The following ADAMTSL1 variants were observed in gnomAD, a reference collection of about 807,000 sequenced individuals.
The protein encoded by ADAMTSL1 is ADAMTS-like protein 1.
A neutral mutation model predicts 201.8 loss-of-function variants in ADAMTSL1; 126 were observed. The observed-to-expected ratio is 0.62, with a 90% confidence interval of 0.54 to 0.72. The LOEUF (loss-of-function observed/expected upper bound fraction) is 0.72. ADAMTSL1 is among the 30% of genes least tolerant of loss of function. The pLI, the probability that ADAMTSL1 is intolerant of heterozygous loss-of-function variation, is 0.00. For missense variants in ADAMTSL1, 2,679 were observed against 2,277.8 expected (o/e 1.18, Z -3.59); for synonymous variants, 1,121 against 903.4 (o/e 1.24, Z -4.32).
chr9:18,758,605 G>C (rs1046800910), intron 16 of ADAMTSL1, among the ~76,000 whole-genome samples: 4 of 152,026 alleles, frequency 2.6e-5, no homozygotes, highest in African/African-American at 7.3e-5. Context: ...TGCTAATTCT[G>C]TCCCTTCATC....
intron 20 of ADAMTSL1, among the ~76,000 whole-genome samples, chr9:18,815,048 C>T (rs1186241219): frequency 6.6e-6 from 1 of 151,946 alleles, no homozygotes; most frequent in East Asian, 1.9e-4. Flanking sequence ...ATCAAAAAGA[C>T]AAAAAATAGC....
At chr9:17,946,353 A>G (rs1827474525) in intron 1 of ADAMTSL1, among the ~76,000 whole-genome samples, 1 of 152,090 alleles carries the variant, frequency 6.6e-6, no homozygotes, top group African/African-American at 2.4e-5. Flanking sequence ...TCAGGTATCT[A>G]AGTCCAAGAA....
At chr9:18,181,589 A>G (rs202015410) in intron 2 of ADAMTSL1, among the ~76,000 whole-genome samples, 4 of 151,280 alleles carry the variant, frequency 2.6e-5, no homozygotes, top group South Asian at 2.1e-4. Flanking sequence ...ACAATGAGAT[A>G]CCATCTCACA....
chr9:18,759,684 T>G (rs953189943), intron 16 of ADAMTSL1, among the ~76,000 whole-genome samples: 18 of 152,330 alleles, frequency 1.2e-4, no homozygotes, highest in African/African-American at 4.1e-4. Context: ...TTTTTGTTTG[T>G]ATTTATTAGC....
At chr9:18,495,011 G>A (rs951752756) in intron 1 of ADAMTSL1, among the ~76,000 whole-genome samples, 2 of 152,202 alleles carry the variant, frequency 1.3e-5, no homozygotes, top group African/African-American at 4.8e-5. Context: ...CAATTGCAAA[G>A]TGCCAGGCAT....
intron 3 of ADAMTSL1, among the ~76,000 whole-genome samples, chr9:18,557,650 T>G (rs1325876937): frequency 2.0e-5 from 3 of 151,996 alleles, no homozygotes; most frequent in African/African-American, 7.2e-5. Context: ...TGTTGGAGAC[T>G]GGGAAGGAGA....
rs148599442 is a variant in ADAMTSL1, at chr9:18,856,649, G to A, written c.4249+26672G>A. ...ATTTTTGTATTTTTAGTAGACACAG[G>A]GTTTCATCGTGTTGGCCAAGCTGGT... On this transcript the variant is annotated intron_variant, in intron 23 of 28. Coordinates refer to ENST00000380548, the MANE Select transcript of ADAMTSL1 (RefSeq NM_001040272.6). Among the ~76,000 whole-genome samples, 791 of 151,860 alleles carry A rather than the reference G, an allele frequency of 5.2e-3. 11 individuals are homozygous for A. The highest frequency in any genetic ancestry group is 0.018 in the African/African-American group (755 of 41,412).
chr9:18,527,466 A>G (rs925953734), intron 2 of ADAMTSL1, among the ~76,000 whole-genome samples: 5 of 152,202 alleles, frequency 3.3e-5, no homozygotes, highest in East Asian at 3.8e-4. Flanking sequence ...AAGGAGCGAT[A>G]AATCAAATGC....
At chr9:18,277,143 C>A (rs997852527) in intron 2 of ADAMTSL1, among the ~76,000 whole-genome samples, 3 of 152,148 alleles carry the variant, frequency 2.0e-5, no homozygotes, top group African/African-American at 7.2e-5. Context: ...ACATTTGAGA[C>A]TTGTTTTGTG....
intron 1 of ADAMTSL1, among the ~76,000 whole-genome samples, chr9:18,124,007 A>G (rs924068409): frequency 6.9e-6 from 1 of 144,402 alleles, no homozygotes; most frequent in Non-Finnish European, 1.5e-5. Flanking sequence ...ATGGTATCTC[A>G]TTGTGGTTTT....
At chr9:18,521,934 C>A (rs1486241959) in intron 2 of ADAMTSL1, among the ~76,000 whole-genome samples, 1 of 152,134 alleles carries the variant, frequency 6.6e-6, no homozygotes, top group African/African-American at 2.4e-5. Flanking sequence ...CCACAAGTAA[C>A]CATCTCTTAT....
intron 21 of ADAMTSL1, among the ~76,000 whole-genome samples, chr9:18,824,413 C>A (rs1011374666): frequency 2.0e-5 from 3 of 152,204 alleles, no homozygotes; most frequent in Non-Finnish European, 4.4e-5. Flanking sequence ...GCGTGTGCCT[C>A]TCTCTGATGT....
intron 2 of ADAMTSL1, among the ~76,000 whole-genome samples, chr9:18,311,341 G>A (rs1005207851): frequency 7.4e-5 from 11 of 148,838 alleles, no homozygotes; most frequent in Admixed American, 1.3e-4. Flanking sequence ...CCAGAACTTA[G>A]GGTATAATAA....
intron 23 of ADAMTSL1, among the ~76,000 whole-genome samples, chr9:18,865,161 G>C (rs1209039126): frequency 6.6e-6 from 1 of 151,980 alleles, no homozygotes; most frequent in Non-Finnish European, 1.5e-5. Flanking sequence ...TTTAACATTA[G>C]GTATATCTCC....
At chr9:18,567,516 A>G (rs981742044) in intron 3 of ADAMTSL1, among the ~76,000 whole-genome samples, 1 of 152,158 alleles carries the variant, frequency 6.6e-6, no homozygotes, top group Non-Finnish European at 1.5e-5. Context: ...TGGGTTGGGG[A>G]ATGCTGCAGG....
At chr9:18,908,420 C>A in intron 28 of ADAMTSL1, 22 bp from the exon 29 acceptor site, 2 of 1,542,576 alleles carry the variant, frequency 1.3e-6, no homozygotes, top group East Asian at 2.4e-5. Flanking sequence ...TCTCCTCTCC[C>A]GACCCCGTCC....
intron 3 of ADAMTSL1, among the ~76,000 whole-genome samples, chr9:18,541,570 A>G (rs1265888613): frequency 4.0e-5 from 6 of 151,872 alleles, no homozygotes; most frequent in South Asian, 2.1e-4. Flanking sequence ...TAAAGGATCT[A>G]TTTTTCACTT....
At chr9:18,809,875 TG>T (rs1432755079) in intron 20 of ADAMTSL1, among the ~76,000 whole-genome samples, 57 of 152,314 alleles carry the variant, frequency 3.7e-4, no homozygotes, top group African/African-American at 1.4e-3. Context: ...GCAGAAAAGT[TG>T]TATGGTTTGA....
chr9:18,822,191 A>G (rs1824252945), intron 21 of ADAMTSL1, among the ~76,000 whole-genome samples: 1 of 152,152 alleles, frequency 6.6e-6, no homozygotes, highest in African/African-American at 2.4e-5. Context: ...TCTGTGGTAG[A>G]GCATATTTTC....
Sources: gnomAD v4.1 joint callset for allele counts (sites outside exome capture counted in the v4.1 genomes callset) on GRCh38, gnomAD v4.1.1 for gene constraint, MANE v1.5 for transcripts, NCBI Gene and HGNC (gene_info 2026-07-23, HGNC 2026-07-21) for gene names.